The following SIPA1 variants were observed in gnomAD, a reference collection of about 807,000 sequenced individuals.
SIPA1 encodes signal-induced proliferation-associated protein 1.
SIPA1 carries 51 observed loss-of-function variants against 88.1 expected under a neutral mutation model. The ratio of observed to expected loss-of-function variants is 0.58; its 90% CI spans 0.46 to 0.73. The LOEUF (loss-of-function observed/expected upper bound fraction) is 0.73. Among genes scored for constraint, SIPA1 ranks in the 30% least tolerant of loss-of-function variants. The pLI is 0.00. For synonymous variants in SIPA1, 681 were observed against 664.8 expected, an observed-to-expected ratio of 1.02 and a Z score of -0.37; for missense variants, 1,348 against 1,467.6, an observed-to-expected ratio of 0.92 and a Z score of 1.33.
intron 4 of SIPA1, among the ~76,000 whole-genome samples, chr11:65,643,916 A>T (rs761941375): frequency 1.5e-4 from 23 of 152,092 alleles, no homozygotes; most frequent in African/African-American, 2.2e-4. Flanking sequence ...TGGCTGCAGC[A>T]TGGGGACTAG....
chr11:65,645,217 C>T (rs1735703279), intron 5 of SIPA1, 88 bp downstream of exon 5: 12 of 1,353,470 alleles, frequency 8.9e-6, no homozygotes, highest in East Asian at 2.3e-5. Flanking sequence ...TCCGTACAAT[C>T]CTGGGGCTGG....
intron 15 of SIPA1, 40 bp from the exon 16 acceptor site, chr11:65,650,529 G>A: frequency 6.2e-7 from 1 of 1,612,210 alleles, no homozygotes; most frequent in East Asian, 2.2e-5. Context: ...CCCCAGGAAA[G>A]GGGCTGGCGG....
chr11:65,645,766 G>C lies in SIPA1; in HGVS notation c.1160-88G>C, dbSNP rs564705276. Reference sequence around the variant, plus strand: ...TCCACCTGCTGTTTGGGGCACAGAGGCTCCTGTGTACAGGCAGGAATGGCA... The same window carrying C: ...TCCACCTGCTGTTTGGGGCACAGAGCCTCCTGTGTACAGGCAGGAATGGCA... On this transcript the variant is annotated intron_variant, in intron 5 of 15. Transcript: ENST00000534313. 5.5e-5 allele frequency: 45 copies of C among 814,204 alleles called. No homozygotes were observed. The African/African-American group carries it at 7.0e-4, about 13-fold the overall frequency. The allele number at this position is 814,204 out of a possible 1,614,324, so 50.4% of individuals were successfully genotyped here. A position where few individuals can be genotyped will look rare whatever the true frequency, so the allele number is the denominator to read the frequency against.
chr11:65,638,229 AG>A (rs1855935374), intron 1 of SIPA1, 47 bp downstream of exon 1: 1 of 152,196 alleles, frequency 6.6e-6, no homozygotes. Flanking sequence ...CGGGCCCGAC[AG>A]GGGAGAGGTG....
Position 65,645,884 on chromosome 11 carries a change from C to A in SIPA1, c.1190C>A (p.Thr397Asn). The A allele has an allele frequency of 6.2e-7, 1 of 1,613,662 alleles. No individual in the cohort carries two copies. The highest frequency in any genetic ancestry group is 8.5e-7 in the Non-Finnish European group (1 of 1,179,720). Reference protein sequence around the residue: ...TDSTGTHSLYTTYQDHEIMFH... With the variant: ...TDSTGTHSLYNTYQDHEIMFH... ...TCCACAGGCACGCACTCCCTCTACA[C>A]CACATACCAGGACCACGAGATCATG... Residue 397 changes from threonine to asparagine, a missense_variant, in exon 6 of 16, where the codon ACC becomes AAC. Around this residue, in one of 4 missense-constraint regions of SIPA1, gnomAD observed 641 missense variants for 797.7 expected, o/e 0.80. Coordinates refer to ENST00000534313, the MANE Select transcript of SIPA1 (RefSeq NM_006747.4).
chr11:65,641,471 C>T lies in SIPA1; in HGVS notation c.550C>T (p.Pro184Ser). ...ELGLGGPASP[P>S]VPPALPNAAV... ...AGGCCTGGGTGGACCAGCATCCCCA[C>T]CTGTGCCCCCTGCACTGCCCAACGC... The change falls in exon 2 of 16, where the codon CCT becomes TCT. Residue 184 changes from proline (P) to serine (S), a missense_variant. This residue lies in a region of SIPA1 where 641 missense variants were observed against 797.7 expected (regional missense o/e 0.80). Transcript: ENST00000534313. 6.2e-7 allele frequency: 1 copy of T among 1,612,264 alleles called. No individual in the cohort carries two copies.
chr11:65,646,470 G>C lies in SIPA1; in HGVS notation c.1436G>C (p.Arg479Pro). Reference protein sequence around the residue: ...PHTTYRVAVSRTQDTPAFGPA... With the variant: ...PHTTYRVAVSPTQDTPAFGPA... ...CCTCCCCGCAGGGTGGCCGTGAGCC[G>C]CACCCAGGACACCCCTGCCTTCGGG... Residue 479 changes from arginine (R) to proline (P), a missense_variant, in exon 8 of 16, where the codon CGC (arginine) becomes CCC (proline). Physicochemically the swap from Arg to Pro is moderately radical, Grantham distance 103 (BLOSUM62 -2). This residue lies in a region of SIPA1 where 641 missense variants were observed against 797.7 expected (regional missense o/e 0.80). Transcript: ENST00000534313. This position sits in a 1 kb window ranked among gnomAD's most constrained non-coding sequence, Gnocchi z 7.5. 3 of 1,582,948 alleles carry C rather than the reference G, an allele frequency of 1.9e-6. No individual in the cohort carries two copies. The highest frequency in any genetic ancestry group is 2.6e-6 in the Non-Finnish European group (3 of 1,169,826).
rs374792529 is a variant in SIPA1 at position 65,642,363 on chromosome 11, G to A, written c.793G>A (p.Val265Met). The A allele has an allele frequency of 2.3e-5, 37 of 1,576,616 alleles. No homozygotes were observed. Among genetic ancestry groups the A allele is most frequent in the Non-Finnish European group, 3.0e-5 (35 of 1,161,082 alleles). Residue 265 changes from valine to methionine, a missense_variant, in exon 3 of 16, where the codon GTG becomes ATG. This residue lies in a region of SIPA1 where 641 missense variants were observed against 797.7 expected (regional missense o/e 0.80). Transcript: ENST00000534313. The surrounding 1 kb of genome is among the most constrained non-coding windows in gnomAD (Gnocchi z 6.5). ...CACCCTGCACAGCTACCGCGTCATC[G>A]TGCGGACCACGCAGGTGGGCCGGGA... Reference protein sequence around the residue: ...GGTLHSYRVIVRTTQLRTLRG... With the variant: ...GGTLHSYRVIMRTTQLRTLRG...
intron 2 of SIPA1, chr11:65,641,992 G>A: frequency 3.6e-6 from 2 of 560,912 alleles, no homozygotes; most frequent in South Asian, 2.3e-5. Context: ...GAGAATGAGG[G>A]CGTGGTGGGT....
rs762897562 is a variant in SIPA1, at chr11:65,649,270, C to T, written c.2315C>T (p.Ser772Leu). The change falls in exon 10 of 16, where the codon TCG becomes TTG. Residue 772 changes from serine to leucine, a missense_variant. Ser to Leu is a moderately radical substitution (Grantham distance 145, BLOSUM62 -2). Transcript: ENST00000534313. Reference protein sequence around the residue: ...DESGRPRRSFSELYTLSLQEP... With the variant: ...DESGRPRRSFLELYTLSLQEP... ...CCTGTCCCACCCCACAGGAGTTTTT[C>T]GGAGCTGTACACGCTGTCGCTGCAG... 81 of 1,521,882 alleles carry T rather than the reference C, an allele frequency of 5.3e-5. No homozygotes were observed. In the East Asian group the frequency reaches 1.7e-3, roughly 32 times the overall value. The allele number at this position is 1,521,882 out of a possible 1,614,324, so 94.3% of individuals were successfully genotyped here. A position where few individuals can be genotyped will look rare whatever the true frequency, so the allele number is the denominator to read the frequency against.
rs1255990422 is a variant in SIPA1, at chr11:65,646,533, A to G, written c.1499A>G (p.Asn500Ser). ...LPAGGGPFAA[N>S]ADFRAFLLAK... ...GCTGGCGGAGGCCCCTTCGCAGCCA[A>G]CGCCGACTTCCGGGCCTTCCTGCTG... Residue 500 changes from asparagine (N) to serine (S), a missense_variant, in exon 8 of 16, where the codon AAC (asparagine) becomes AGC (serine). Physicochemically the swap from Asn to Ser is conservative, Grantham distance 46 (BLOSUM62 1). Transcript: ENST00000534313. This position sits in a 1 kb window ranked among gnomAD's most constrained non-coding sequence, Gnocchi z 7.5. 5 of 1,563,330 alleles carry G rather than the reference A, an allele frequency of 3.2e-6. No homozygotes were observed. Among genetic ancestry groups the G allele is most frequent in the Non-Finnish European group, 4.3e-6 (5 of 1,161,168 alleles).
Position 65,649,417 on chromosome 11 carries a change from C to T in SIPA1, c.2462C>T (p.Pro821Leu). 6.3e-7 allele frequency: 1 copy of T among 1,595,502 alleles called. No homozygotes were observed. The highest frequency in any genetic ancestry group is 8.5e-7 in the Non-Finnish European group (1 of 1,170,772). Residue 821 changes from proline (P) to leucine (L), a missense_variant, in exon 10 of 16, where the codon CCT (proline) becomes CTT (leucine). Pro to Leu is a moderately conservative substitution (Grantham distance 98, BLOSUM62 -3). Around this residue, in one of 4 missense-constraint regions of SIPA1, gnomAD observed 615 missense variants for 559.8 expected, o/e 1.10. Coordinates refer to ENST00000534313, the MANE Select transcript of SIPA1 (RefSeq NM_006747.4). ...CAAGATGGTGGCAGTCCTCCAGGGC[C>T]TGGGGATCTGGCCGAGGAGAGGACT... The part of the protein sequence containing the change: ...CLQDGGSPPG[P>L]GDLAEERTEF...
Position 65,646,900 on chromosome 11 carries a change from G to C in SIPA1, c.1866G>C (p.Ala622=), listed in dbSNP as rs1235580091. ...CGGCCGAGGCTCTGGTGCTGGTGGC[G>C]CCGCGCGACGGCCGCGTAGTGTTCA... The part of the protein sequence containing the change: ...GISAEALVLV[A]PRDGRVVFNC... The change falls in exon 8 of 16, where the codon GCG becomes GCC. Residue 622 remains alanine (A), a synonymous_variant. Transcript: ENST00000534313. The surrounding 1 kb of genome is among the most constrained non-coding windows in gnomAD (Gnocchi z 7.5). 4.0e-6 allele frequency: 6 copies of C among 1,517,390 alleles called. No homozygotes were observed. The allele number at this position is 1,517,390 out of a possible 1,614,324, so 94.0% of individuals were successfully genotyped here.
In SIPA1 at chr11:65,641,289, G is replaced by A; in HGVS notation, c.368G>A (p.Ser123Asn). Residue 123 changes from serine (S) to asparagine (N), a missense_variant, in exon 2 of 16, where the codon AGC becomes AAC. This residue lies in a region of SIPA1 where 641 missense variants were observed against 797.7 expected (regional missense o/e 0.80). Transcript: ENST00000534313. ...TGGTTTGCCCACTATGACGTGCAAAGCCTGCTCTTTGATTGGGCTCCGAGG... is the reference window on the plus strand; with the variant it reads ...TGGTTTGCCCACTATGACGTGCAAAACCTGCTCTTTGATTGGGCTCCGAGG... ...PRWFAHYDVQ[S>N]LLFDWAPRSQ... The A allele has an allele frequency of 6.2e-7, 1 of 1,613,692 alleles. No homozygotes were observed. The highest frequency in any genetic ancestry group is 8.5e-7 in the Non-Finnish European group (1 of 1,180,034).
At position 65,642,058 on chromosome 11, in the gene SIPA1, C is replaced by T. The variant is rs1169718006; in HGVS notation, c.680-192C>T. 2.5e-6 allele frequency: 2 copies of T among 788,472 alleles called. No homozygotes were observed. The highest frequency in any genetic ancestry group is 3.6e-4 in the Middle Eastern group (1 of 2,762). The allele number at this position is 788,472 out of a possible 1,614,324, so 48.8% of individuals were successfully genotyped here. A position where few individuals can be genotyped will look rare whatever the true frequency, so the allele number is the denominator to read the frequency against. On this transcript the variant is annotated intron_variant, in intron 2 of 15. Coordinates refer to ENST00000534313, the MANE Select transcript of SIPA1 (RefSeq NM_006747.4). The surrounding 1 kb of genome is among the most constrained non-coding windows in gnomAD (Gnocchi z 6.5). ...TGGCCGCGTGGGTCTAGGTCTGGGT[C>T]TGGGTCCACCTCTGGGTCAGGGTTG...
At chr11:65,647,096 C>T (rs747938157) in intron 8 of SIPA1, 31 bp downstream of exon 8, 1 of 1,475,072 alleles carries the variant, frequency 6.8e-7, no homozygotes, top group Non-Finnish European at 9.0e-7. Flanking sequence ...GGGGCCCCTG[C>T]GCGCGGCGGG....
intron 9 of SIPA1, among the ~76,000 whole-genome samples, 200 bp downstream of exon 9, chr11:65,647,858 T>C (rs1182958782): frequency 1.1e-4 from 16 of 150,510 alleles, no homozygotes; most frequent in Non-Finnish European, 2.2e-4. Context: ...CCTTCCTTCC[T>C]CTCTCTCTCC....
rs1856034887 is a variant in SIPA1 at position 65,642,829 on chromosome 11, C to G, written c.984+190C>G. 6.6e-6 allele frequency among the ~76,000 whole-genome samples: 1 copy of G among 152,218 alleles called. No homozygotes were observed. The highest frequency in any genetic ancestry group is 2.1e-4 in the South Asian group (1 of 4,828). ...GCGTCTCAAAGTGAGCTCTGTAGAC[C>G]AGCAGTATCCACATCATGTAGAAAT... On this transcript the variant is annotated intron_variant, in intron 4 of 15. Transcript: ENST00000534313. The surrounding 1 kb of genome is among the most constrained non-coding windows in gnomAD (Gnocchi z 6.5).
At chr11:65,643,308 A>G (rs917674185) in intron 4 of SIPA1, among the ~76,000 whole-genome samples, 2 of 152,036 alleles carry the variant, frequency 1.3e-5, no homozygotes, top group African/African-American at 4.8e-5. Context: ...TTCCTGGCCA[A>G]TTTCCCCCAC....
Sources: allele counts gnomAD v4.1 joint callset (sites outside exome capture counted in the v4.1 genomes callset), GRCh38; gene constraint gnomAD v4.1.1; regional missense constraint gnomAD v4.1.1; non-coding constraint Gnocchi (gnomAD v3.1); transcripts MANE v1.5; gene names NCBI Gene and HGNC (gene_info 2026-07-23, HGNC 2026-07-21).